The following VDAC1 variants were observed in gnomAD, a reference collection of about 807,000 sequenced individuals.
VDAC1 encodes voltage dependent anion channel 1.
Under a neutral mutation model 34.7 loss-of-function variants are expected in VDAC1, and 10 were observed. The ratio of observed to expected loss-of-function variants is 0.29; its 90% CI spans 0.18 to 0.49. The LOEUF (loss-of-function observed/expected upper bound fraction) is 0.49, where lower values mean the gene tolerates loss of function less well. Ranked by LOEUF, VDAC1 falls within the 20% of genes least tolerant of loss-of-function variation. VDAC1 has a pLI of 0.99. For missense variants in VDAC1, 230 were observed against 347.9 expected (o/e 0.66, Z 2.69); for synonymous variants, 130 against 136.0 (o/e 0.96, Z 0.30).
At chr5:134,048,699 T>G in the VDAC1 span, among the ~76,000 whole-genome samples, 1 of 152,256 alleles carries the variant, frequency 6.6e-6, no homozygotes, top group East Asian at 1.9e-4. Flanking sequence ...TCATATAGTA[T>G]CTTGATCTAT....
At chr5:133,996,415 G>A (rs73275123) in intron 1 of VDAC1, among the ~76,000 whole-genome samples, 2,652 of 152,246 alleles carry the variant, frequency 0.017, 73 homozygotes, top group African/African-American at 0.061. Flanking sequence ...GGCCCATACT[G>A]GAAGCACAGA....
chr5:134,088,224 A>G, the VDAC1 span, among the ~76,000 whole-genome samples: 1 of 152,158 alleles, frequency 6.6e-6, no homozygotes, highest in Non-Finnish European at 1.5e-5. Context: ...ATGAGGGAAA[A>G]AGCAGAAAAT....
At chr5:134,020,385 C>T in the VDAC1 span, among the ~76,000 whole-genome samples, 4 of 151,930 alleles carry the variant, frequency 2.6e-5, no homozygotes, top group Non-Finnish European at 5.9e-5. Context: ...GAAATATTTG[C>T]TTCCCCTTAA....
chr5:134,060,880 C>CTTTTTTTTTTTTTTTTTTTTT, the VDAC1 span, among the ~76,000 whole-genome samples: 23 of 98,672 alleles, frequency 2.3e-4, 1 homozygote, highest in South Asian at 3.5e-4. Flanking sequence ...TCTTCTTCTT[C>CTTTTTTTTTTTTTTTTTTTTT]TTTTTTTTTT....
chr5:134,092,458 G>A, the VDAC1 span, among the ~76,000 whole-genome samples: 1 of 152,138 alleles, frequency 6.6e-6, no homozygotes, highest in Non-Finnish European at 1.5e-5. Context: ...TAAGGGTGGG[G>A]TCCTCGCTTT....
upstream of VDAC1, among the ~76,000 whole-genome samples, chr5:134,007,635 A>C (rs903449224): frequency 6.6e-6 from 1 of 152,112 alleles, no homozygotes; most frequent in African/African-American, 2.4e-5. Context: ...CCTCTCTTGC[A>C]AACCTGAACT....
chr5:134,084,197 T>A, the VDAC1 span, among the ~76,000 whole-genome samples: 1 of 152,062 alleles, frequency 6.6e-6, no homozygotes, highest in Non-Finnish European at 1.5e-5. Flanking sequence ...AATGAGAGGA[T>A]CCCAAGAAAG....
intron 6 of VDAC1, among the ~76,000 whole-genome samples, chr5:133,977,913 T>A (rs1580708718): frequency 6.6e-6 from 1 of 152,156 alleles, no homozygotes; most frequent in African/African-American, 2.4e-5. Context: ...TGCAATTTTT[T>A]AAAAAGGAAT....
At chr5:134,077,471 C>T in the VDAC1 span, among the ~76,000 whole-genome samples, 13 of 152,138 alleles carry the variant, frequency 8.5e-5, no homozygotes, top group Admixed American at 8.5e-4. Flanking sequence ...GGAGCCTACT[C>T]CTCAGGAGAG....
intron 7 of VDAC1, among the ~76,000 whole-genome samples, chr5:133,975,032 T>G (rs1293714144): frequency 6.6e-6 from 1 of 151,508 alleles, no homozygotes; most frequent in Non-Finnish European, 1.5e-5. Flanking sequence ...TTTGGGAGGT[T>G]GAGGTGGGAG....
At chr5:133,994,526 T>G (rs1753222710) in intron 1 of VDAC1, among the ~76,000 whole-genome samples, 1 of 152,188 alleles carries the variant, frequency 6.6e-6, no homozygotes, top group Non-Finnish European at 1.5e-5. Context: ...TGCCCGCCAC[T>G]GGCTCTTTCC....
intron 7 of VDAC1, among the ~76,000 whole-genome samples, chr5:133,975,048 C>T (rs1752424806): frequency 6.6e-6 from 1 of 152,000 alleles, no homozygotes; most frequent in African/African-American, 2.4e-5. Flanking sequence ...GGGAGGACAG[C>T]TTGAGCCCAG....
the VDAC1 span, among the ~76,000 whole-genome samples, chr5:134,089,389 C>A: frequency 2.7e-4 from 41 of 152,258 alleles, no homozygotes; most frequent in African/African-American, 9.2e-4. Context: ...TATTTCTCAA[C>A]ATCCTGCCCT....
chr5:134,048,863 T>G, the VDAC1 span, among the ~76,000 whole-genome samples: 1 of 152,180 alleles, frequency 6.6e-6, no homozygotes, highest in Non-Finnish European at 1.5e-5. Context: ...AGCTCCAGTA[T>G]GTAGAGCAGT....
chr5:134,083,082 A>G, the VDAC1 span, among the ~76,000 whole-genome samples: 1 of 152,226 alleles, frequency 6.6e-6, no homozygotes. Flanking sequence ...TATGAAATAC[A>G]TAAGATTTAG....
At chr5:134,089,714 G>A in the VDAC1 span, among the ~76,000 whole-genome samples, 4 of 149,430 alleles carry the variant, frequency 2.7e-5, no homozygotes, top group Non-Finnish European at 4.4e-5. Context: ...TCATGGCTGG[G>A]TGCAGTGGCT....
chr5:134,011,608 C>G, the VDAC1 span, among the ~76,000 whole-genome samples: 5 of 150,908 alleles, frequency 3.3e-5, no homozygotes, highest in East Asian at 9.7e-4. Flanking sequence ...CAAGTGTGCC[C>G]AATGTAATCC....
At chr5:134,072,585 T>G in the VDAC1 span, among the ~76,000 whole-genome samples, 1 of 152,202 alleles carries the variant, frequency 6.6e-6, no homozygotes, top group Admixed American at 6.5e-5. Flanking sequence ...ACAGCTCTGC[T>G]CTGGGCAGAA....
the VDAC1 span, among the ~76,000 whole-genome samples, chr5:134,109,990 G>A: frequency 6.6e-6 from 1 of 152,144 alleles, no homozygotes; most frequent in Non-Finnish European, 1.5e-5. Flanking sequence ...CTTCGCTGTC[G>A]CCACCTTGGT....
Sources: gnomAD v4.1 joint callset for allele counts (sites outside exome capture counted in the v4.1 genomes callset) on GRCh38, gnomAD v4.1.1 for gene constraint, MANE v1.5 for transcripts, NCBI Gene and HGNC (gene_info 2026-07-23, HGNC 2026-07-21) for gene names.